Variants in INSC observed in about 807,000 individuals in gnomAD.
INSC encodes INSC spindle orientation adaptor protein.
A neutral mutation model predicts 58.6 loss-of-function variants in INSC; 67 were observed. The ratio of observed to expected loss-of-function variants is 1.14; its 90% confidence interval spans 0.94 to 1.40. The LOEUF (loss-of-function observed/expected upper bound fraction) is 1.40. Ranked by LOEUF, INSC falls within the 40% of genes most tolerant of loss-of-function variation. INSC has a pLI of 0.00. For synonymous variants in INSC, 262 were observed against 276.1 expected (o/e 0.95, Z 0.51); for missense variants, 714 against 692.0 (o/e 1.03, Z -0.36).
At chr11:15,264,024 G>A in the INSC span, among the ~76,000 whole-genome samples, 3 of 151,224 alleles carry the variant, frequency 2.0e-5, no homozygotes, top group African/African-American at 4.9e-5. Context: ...TGAAGGCACA[G>A]AAAGTTCTCT....
chr11:15,127,337 ACAT>A (rs1417185851), intron 1 of INSC, among the ~76,000 whole-genome samples: 1 of 152,238 alleles, frequency 6.6e-6, no homozygotes, highest in Non-Finnish European at 1.5e-5. Context: ...CTATGGCTTA[ACAT>A]CAACAAGATT....
chr11:15,238,994 G>A lies in INSC; in HGVS notation c.1313G>A (p.Arg438Gln), dbSNP rs780642258. The A allele has an allele frequency of 3.7e-6, 6 of 1,614,222 alleles. No individual in the cohort carries two copies. The highest frequency in any genetic ancestry group is 2.2e-5 in the South Asian group (2 of 91,090). The change falls in exon 11 of 13, where the codon CGA becomes CAA. Residue 438 changes from arginine (R) to glutamine (Q), a missense_variant. By Grantham distance (43) the Arg-to-Gln change is conservative (BLOSUM62 1). Coordinates refer to ENST00000379556, the MANE Select transcript of INSC (RefSeq NM_001042536.3). ...GTPAEVAACERVQQKAAVTLA... is the reference protein window; with the variant it reads ...GTPAEVAACEQVQQKAAVTLA... ...CCTGCTGAAGTGGCAGCCTGTGAGC[G>A]AGTCCAGCAGAAAGCTGCAGTGACC...
intron 1 of INSC, among the ~76,000 whole-genome samples, chr11:15,133,764 T>C (rs1848177313): frequency 1.3e-5 from 2 of 152,206 alleles, no homozygotes; most frequent in Admixed American, 1.3e-4. Context: ...GGTTTCCTGG[T>C]TCTTCTTTTG....
Position 15,222,663 on chromosome 11 carries a change from G to A in INSC, c.991+1015G>A, listed in dbSNP as rs1239926162. Among the ~76,000 whole-genome samples the A allele has an allele frequency of 2.6e-5, 4 of 152,132 alleles. No homozygotes were observed. The East Asian group carries it at 5.8e-4, about 22-fold the overall frequency. The stretch of plus-strand genomic sequence containing the variant: ...TAATATAAACAAGACATTGCAACTC[G>A]TTTCTCTCAAGGGTCCTTCTAACTC... On this transcript the variant is annotated intron_variant, in intron 8 of 12. Transcript: ENST00000379556.
At chr11:15,123,267 A>G (rs1564857153) in intron 1 of INSC, among the ~76,000 whole-genome samples, 1 of 152,158 alleles carries the variant, frequency 6.6e-6, no homozygotes, top group Non-Finnish European at 1.5e-5. Context: ...CATAGTTTCA[A>G]TTTTACATTT....
At chr11:15,156,118 C>A (rs1038791362) in intron 2 of INSC, among the ~76,000 whole-genome samples, 7 of 152,186 alleles carry the variant, frequency 4.6e-5, no homozygotes, top group African/African-American at 1.4e-4. Context: ...ACATGGTCTT[C>A]TGGGCTTCCC....
At position 15,149,845 on chromosome 11, in the gene INSC, C is replaced by T. The variant is rs1848595202; in HGVS notation, c.56+615C>T. On this transcript the variant is annotated intron_variant, in intron 2 of 12. Coordinates refer to ENST00000379556, the MANE Select transcript of INSC (RefSeq NM_001042536.3). ...GTCCTGGAGCCTGAACCCTCTCTCT[C>T]TCCCACTTGCAACCTCTTCAGAAGT... 2.0e-5 allele frequency among the ~76,000 whole-genome samples: 3 copies of T among 152,172 alleles called. No individual in the cohort carries two copies. The South Asian group carries it at 6.2e-4, about 31-fold the overall frequency.
intron 11 of INSC, among the ~76,000 whole-genome samples, chr11:15,240,079 TAACTC>T (rs1167010175): frequency 3.9e-5 from 6 of 152,216 alleles, no homozygotes; most frequent in Non-Finnish European, 8.8e-5. Context: ...GTCATTCACT[TAACTC>T]TCCTCAGTAA....
upstream of INSC, chr11:15,112,338 C>A: frequency 1.4e-6 from 1 of 707,966 alleles, no homozygotes. Context: ...TACTGAACTG[C>A]CTTGGACAAG....
chr11:15,122,785 C>T (rs183222400), intron 1 of INSC, among the ~76,000 whole-genome samples: 4 of 152,328 alleles, frequency 2.6e-5, no homozygotes, highest in African/African-American at 7.2e-5. Context: ...CAAGAGCCCC[C>T]TGGTACCCTT....
chr11:15,235,532 C>A, intron 9 of INSC, 70 bp from the exon 10 acceptor site: 1 of 1,211,774 alleles, frequency 8.3e-7, no homozygotes, highest in Non-Finnish European at 1.2e-6. Context: ...CCCTGGCTGA[C>A]CTGTCTGTAG....
intron 7 of INSC, among the ~76,000 whole-genome samples, chr11:15,217,849 A>G (rs1298409122): frequency 6.6e-6 from 1 of 152,232 alleles, no homozygotes; most frequent in Non-Finnish European, 1.5e-5. Context: ...TTTTGTAGCC[A>G]TAAAATTGGC....
chr11:15,117,529 T>C (rs1275483585), intron 1 of INSC, among the ~76,000 whole-genome samples: 2 of 152,246 alleles, frequency 1.3e-5, no homozygotes, highest in Non-Finnish European at 2.9e-5. Context: ...GTCCATCATA[T>C]GGCTCTGTTG....
chr11:15,112,648 G>GC (rs1461546883), upstream of INSC: 7 of 345,850 alleles, frequency 2.0e-5, 2 homozygotes, highest in African/African-American at 1.2e-4. Context: ...ATTGGGAAGT[G>GC]GGGGGGGGGC....
intron 2 of INSC, among the ~76,000 whole-genome samples, chr11:15,156,121 G>T (rs894632150): frequency 6.6e-6 from 1 of 152,100 alleles, no homozygotes; most frequent in Non-Finnish European, 1.5e-5. Flanking sequence ...TGGTCTTCTG[G>T]GCTTCCCTGC....
chr11:15,145,442 A>G (rs191274489), intron 1 of INSC, among the ~76,000 whole-genome samples: 1 of 152,286 alleles, frequency 6.6e-6, no homozygotes, highest in African/African-American at 2.4e-5. Flanking sequence ...TAGCTTTGGA[A>G]GGGGTTTATT....
the INSC span, among the ~76,000 whole-genome samples, chr11:15,259,689 C>G: frequency 6.6e-6 from 1 of 152,128 alleles, no homozygotes; most frequent in South Asian, 2.1e-4. Flanking sequence ...TATTGTTATG[C>G]CCATCCTACA....
At chr11:15,125,708 G>A (rs1044869190) in intron 1 of INSC, among the ~76,000 whole-genome samples, 10 of 152,170 alleles carry the variant, frequency 6.6e-5, no homozygotes, top group Non-Finnish European at 8.8e-5. Flanking sequence ...CTTGGAGAGC[G>A]TTGTGCCAGA....
chr11:15,173,056 T>C (rs564120624), intron 2 of INSC, among the ~76,000 whole-genome samples: 59 of 152,264 alleles, frequency 3.9e-4, no homozygotes, highest in African/African-American at 1.3e-3. Context: ...TCAGAACATA[T>C]GAATGAGAGT....
Sources: allele counts gnomAD v4.1 joint callset (sites outside exome capture counted in the v4.1 genomes callset), GRCh38; gene constraint gnomAD v4.1.1; transcripts MANE v1.5; gene names NCBI Gene and HGNC (gene_info 2026-07-23, HGNC 2026-07-21).